Variants in IPP observed in about 807,000 individuals in gnomAD.
IPP encodes the protein actin-binding protein IPP.
A neutral mutation model predicts 64.1 loss-of-function variants in IPP; 41 were observed. The ratio of observed to expected loss-of-function variants is 0.64; its 90% CI spans 0.50 to 0.83. IPP has a LOEUF of 0.83. Ranked by LOEUF, IPP falls within the 40% of genes least tolerant of loss-of-function variation. The probability of loss-of-function intolerance (pLI) is 0.00; values close to 1 mark genes in which losing one functional copy is unlikely to be tolerated. For missense variants in IPP, 649 were observed against 703.0 expected (o/e 0.92, Z 0.87); for synonymous variants, 214 against 235.2 (o/e 0.91, Z 0.83).
intron 3 of IPP, among the ~76,000 whole-genome samples, chr1:45,738,855 A>C (rs867535895): frequency 0.022 from 3,366 of 149,766 alleles, 148 homozygotes; most frequent in African/African-American, 0.08. Context: ...AAAAAAAAAA[A>C]AAAAAAAAAA....
chr1:45,724,905 C>T (rs1385596124), intron 5 of IPP, among the ~76,000 whole-genome samples: 5 of 148,904 alleles, frequency 3.4e-5, no homozygotes, highest in East Asian at 2.1e-4. Flanking sequence ...GTCAGCCCCC[C>T]GCCCGGCCAG....
In IPP at chr1:45,699,171, A is replaced by G; in HGVS notation, c.*795T>C. 2 of 985,406 alleles carry G rather than the reference A, an allele frequency of 2.0e-6. No individual in the cohort carries two copies. The highest frequency in any genetic ancestry group is 2.4e-6 in the Non-Finnish European group (2 of 829,914). The allele number at this position is 985,406 out of a possible 1,614,324, so 61.0% of individuals were successfully genotyped here. On this transcript the variant is annotated 3_prime_UTR_variant, in exon 9 of 9. Transcript: ENST00000396478. ...AAATATGAGCAAGCAAAAACTTATC[A>G]TCAAGCAAAAAGGTATCTATCTATT...
intron 5 of IPP, among the ~76,000 whole-genome samples, chr1:45,720,232 T>A (rs1407921645): frequency 6.6e-6 from 1 of 152,140 alleles, no homozygotes; most frequent in Non-Finnish European, 1.5e-5. Context: ...TGTGCCACCA[T>A]GTCCAGGTAA....
chr1:45,706,881 C>T (rs998991594), intron 8 of IPP, among the ~76,000 whole-genome samples: 1 of 152,204 alleles, frequency 6.6e-6, no homozygotes, highest in African/African-American at 2.4e-5. Flanking sequence ...TTTACAATGT[C>T]TACCATCTAA....
chr1:45,708,339 C>G (rs1185044816), intron 8 of IPP, among the ~76,000 whole-genome samples: 1 of 150,538 alleles, frequency 6.6e-6, no homozygotes, highest in Non-Finnish European at 1.5e-5. Flanking sequence ...GCTGGAGTAA[C>G]AGGCGTGAGC....
At chr1:45,708,679 C>CAA (rs770829388) in intron 8 of IPP, among the ~76,000 whole-genome samples, 8 of 35,990 alleles carry the variant, frequency 2.2e-4, no homozygotes, top group African/African-American at 3.8e-4. Flanking sequence ...AACTCACCTC[C>CAA]AAAAAAAAAA....
At chr1:45,736,997 C>T (rs1227721693) in intron 3 of IPP, among the ~76,000 whole-genome samples, 3 of 145,412 alleles carry the variant, frequency 2.1e-5, no homozygotes, top group Non-Finnish European at 3.0e-5. Context: ...GAGCCGAGAT[C>T]GCGCCACTGC....
Position 45,725,331 on chromosome 1 carries a change from G to A in IPP, c.1048+2300C>T, listed in dbSNP as rs1471623870. On this transcript the variant is annotated intron_variant, in intron 5 of 8. Coordinates refer to ENST00000396478, the MANE Select transcript of IPP (RefSeq NM_005897.3). ...GCCCGGCCAGCCGCCCCGTCCGGGA[G>A]GGAGGTGGGGGTGTCAGCCCCCCGC... is the stretch of plus-strand genomic sequence containing the variant. Among the ~76,000 whole-genome samples, 8 of 145,646 alleles carry A rather than the reference G, an allele frequency of 5.5e-5. No individual in the cohort carries two copies. The South Asian group carries it at 1.7e-3, about 32-fold the overall frequency.
intron 2 of IPP, among the ~76,000 whole-genome samples, chr1:45,745,717 T>A (rs958214364): frequency 6.0e-5 from 9 of 149,876 alleles, no homozygotes; most frequent in African/African-American, 2.0e-4. Context: ...AAAAAAAAAA[T>A]TAGCCAGGTG....
intron 8 of IPP, among the ~76,000 whole-genome samples, chr1:45,707,422 C>CAAAAAAAAA (rs66578618): frequency 1.1e-4 from 8 of 73,536 alleles, no homozygotes; most frequent in Non-Finnish European, 1.2e-4. Flanking sequence ...GACTCCATAT[C>CAAAAAAAAA]AAAAAAAAAA....
chr1:45,701,666 G>C (rs1429885807), intron 8 of IPP, among the ~76,000 whole-genome samples: 4 of 152,198 alleles, frequency 2.6e-5, no homozygotes, highest in Non-Finnish European at 4.4e-5. Flanking sequence ...AAGTAATTAG[G>C]AGAGCAAAGA....
intron 3 of IPP, among the ~76,000 whole-genome samples, chr1:45,736,992 G>A (rs572781360): frequency 3.5e-5 from 5 of 141,562 alleles, no homozygotes; most frequent in Non-Finnish European, 6.0e-5. Flanking sequence ...GCAGTGAGCC[G>A]AGATCGCGCC....
intron 5 of IPP, among the ~76,000 whole-genome samples, chr1:45,726,712 A>G (rs1360086399): frequency 2.0e-5 from 3 of 146,962 alleles, no homozygotes; most frequent in African/African-American, 7.5e-5. Context: ...ATTGATCTAA[A>G]TTTTGATGCC....
intron 2 of IPP, among the ~76,000 whole-genome samples, chr1:45,744,678 A>C (rs1646111385): frequency 6.6e-6 from 1 of 152,094 alleles, no homozygotes; most frequent in Non-Finnish European, 1.5e-5. Context: ...GTCTATACTA[A>C]AAATATAAAA....
At chr1:45,728,138 G>A (rs1001920195) in intron 4 of IPP, among the ~76,000 whole-genome samples, 6 of 148,994 alleles carry the variant, frequency 4.0e-5, no homozygotes, top group Non-Finnish European at 7.5e-5. Flanking sequence ...GTGTGTGTGT[G>A]TGTGTGTGTG....
chr1:45,725,852 G>T (rs1264092313), intron 5 of IPP, among the ~76,000 whole-genome samples: 2 of 136,150 alleles, frequency 1.5e-5, no homozygotes, highest in Non-Finnish European at 3.2e-5. Context: ...ATTAAGGGCG[G>T]TGCAAGATGT....
chr1:45,698,974 A>G lies in IPP; in HGVS notation c.*992T>C. On this transcript the variant is annotated 3_prime_UTR_variant, in exon 9 of 9. Transcript: ENST00000396478. ...TGAGTTCAAGCCATCTTCCCGTCTC[A>G]CCTCGGCCTCTCAAAGTGCTGGGAT... 1.2e-6 allele frequency: 1 copy of G among 869,544 alleles called. No individual in the cohort carries two copies. The highest frequency in any genetic ancestry group is 1.8e-5 in the African/African-American group (1 of 54,964). 53.9% of individuals were successfully genotyped at this position (869,544 alleles called of 1,614,324 possible).
At chr1:45,725,249 G>C (rs1296318694) in intron 5 of IPP, among the ~76,000 whole-genome samples, 3 of 134,918 alleles carry the variant, frequency 2.2e-5, no homozygotes, top group East Asian at 2.3e-4. Context: ...CGCCCCGTCC[G>C]GGAGGTGAGG....
Position 45,721,708 on chromosome 1 carries a change from C to A in IPP, c.1049-2368G>T, listed in dbSNP as rs145075356. Among the ~76,000 whole-genome samples, 646 of 152,344 alleles carry A rather than the reference C, an allele frequency of 4.2e-3. 4 individuals carry two copies. The highest frequency in any genetic ancestry group is 0.015 in the African/African-American group (622 of 41,590). On this transcript the variant is annotated intron_variant, in intron 5 of 8. Coordinates refer to ENST00000396478, the MANE Select transcript of IPP (RefSeq NM_005897.3). ...GGTCTTGGGAACCCTGATGCACCTA[C>A]AAATCAACAAAATAGACAATTTTTA...
Sources: gnomAD v4.1 joint callset for allele counts (sites outside exome capture counted in the v4.1 genomes callset) on GRCh38, gnomAD v4.1.1 for gene constraint, MANE v1.5 for transcripts, NCBI Gene and HGNC (gene_info 2026-07-23, HGNC 2026-07-21) for gene names.